PEAK1: variants seen among roughly 807,000 people sequenced by gnomAD.
PEAK1 encodes the protein pseudopodium enriched atypical kinase 1.
In PEAK1, 54 loss-of-function variants were observed where a neutral mutation model predicts 124.7. That is an observed-to-expected ratio of 0.43 (90% CI 0.35 to 0.54). PEAK1 has a LOEUF of 0.54. Among genes scored for constraint, PEAK1 ranks in the 20% least tolerant of loss-of-function variants. The probability of loss-of-function intolerance (pLI) is 0.01; values close to 1 mark genes in which losing one functional copy is unlikely to be tolerated. For missense variants in PEAK1, 2,046 were observed against 2,134.5 expected, an observed-to-expected ratio of 0.96 and a Z score of 0.82; for synonymous variants, 719 against 760.0, an observed-to-expected ratio of 0.95 and a Z score of 0.89.
chr15:77,311,212 T>G (rs565582006), intron 2 of PEAK1, among the ~76,000 whole-genome samples: 69 of 152,032 alleles, frequency 4.5e-4, no homozygotes, highest in African/African-American at 1.5e-3. Context: ...ACTGCCAGAG[T>G]TATTATGCAA....
intron 2 of PEAK1, among the ~76,000 whole-genome samples, chr15:77,343,040 G>C (rs2141351767): frequency 6.6e-6 from 1 of 152,310 alleles, no homozygotes; most frequent in East Asian, 1.9e-4. Flanking sequence ...ATGCCATACT[G>C]TTTTCCATAG....
intron 8 of PEAK1, among the ~76,000 whole-genome samples, chr15:77,151,623 C>G (rs990032578): frequency 2.0e-5 from 3 of 152,090 alleles, no homozygotes; most frequent in Non-Finnish European, 4.4e-5. Context: ...AGGTTTTCTT[C>G]TAGGGTTTTT....
In PEAK1 at chr15:77,371,170, TA is replaced by T. The variant is rs924921607; in HGVS notation, c.-665-5946del. 7.2e-6 allele frequency: 7 copies of T among 977,154 alleles called. No homozygotes were observed. In the African/African-American group the frequency reaches 1.0e-4, roughly 15 times the overall value. The allele number at this position is 977,154 out of a possible 1,614,324, so 60.5% of individuals were successfully genotyped here. On this transcript the variant is annotated intron_variant, in intron 1 of 9. Coordinates refer to ENST00000682557, the MANE Select transcript of PEAK1 (RefSeq NM_001385026.1). ...AAAGGGCTGAAAGTAAAAACTTCAT[TA>T]TTTTGGTTACCTTTTTACTAAGTAA...
chr15:77,149,215 T>G (rs2054394796), intron 8 of PEAK1, among the ~76,000 whole-genome samples: 1 of 152,230 alleles, frequency 6.6e-6, no homozygotes. Flanking sequence ...AGTACACTGC[T>G]TCCTAAACCT....
At chr15:77,258,361 G>A (rs372490591) in intron 5 of PEAK1, among the ~76,000 whole-genome samples, 7 of 152,122 alleles carry the variant, frequency 4.6e-5, no homozygotes, top group Admixed American at 1.3e-4. Context: ...ACCCATGAGC[G>A]TGGAATGTTC....
rs1231289135 is a variant in PEAK1 at position 77,336,351 on chromosome 15, A to T, written c.-603+28812T>A. On this transcript the variant is annotated intron_variant, in intron 2 of 9. Coordinates refer to ENST00000682557, the MANE Select transcript of PEAK1 (RefSeq NM_001385026.1). ...TCACCCTCATATTCTCTCACCAAAA[A>T]GCTCTCATTATAGAGACGTTTACTA... 3 of 985,266 alleles carry T rather than the reference A, an allele frequency of 3.0e-6. No homozygotes were observed. The East Asian group carries it at 3.4e-4, about 112-fold the overall frequency. The allele number at this position is 985,266 out of a possible 1,614,324, so 61.0% of individuals were successfully genotyped here. A position where few individuals can be genotyped will look rare whatever the true frequency, so the allele number is the denominator to read the frequency against.
In PEAK1 at chr15:77,370,706, A is replaced by T; in HGVS notation, c.-665-5481T>A. The T allele has an allele frequency of 3.0e-6, 3 of 985,200 alleles. No individual in the cohort carries two copies. The South Asian group carries it at 1.4e-4, about 46-fold the overall frequency. 61.0% of individuals were successfully genotyped at this position (985,200 alleles called of 1,614,324 possible). A position where few individuals can be genotyped will look rare whatever the true frequency, so the allele number is the denominator to read the frequency against. On this transcript the variant is annotated intron_variant, in intron 1 of 9. Coordinates refer to ENST00000682557, the MANE Select transcript of PEAK1 (RefSeq NM_001385026.1). ...CAATGGAGACAGTCTATTTCTGCATATGTCTTCAGATAACTTTTGTGAACA... is the reference window on the plus strand; with the variant it reads ...CAATGGAGACAGTCTATTTCTGCATTTGTCTTCAGATAACTTTTGTGAACA...
chr15:77,162,252 G>C (rs2152793298), intron 7 of PEAK1, among the ~76,000 whole-genome samples: 1 of 152,100 alleles, frequency 6.6e-6, no homozygotes. Context: ...CCAGCACTTT[G>C]GGAGGCCGAT....
chr15:77,135,591 C>A (rs551693863), intron 8 of PEAK1, among the ~76,000 whole-genome samples: 1 of 152,310 alleles, frequency 6.6e-6, no homozygotes, highest in South Asian at 2.1e-4. Context: ...TGTGTCCCCA[C>A]CCAAATCTCA....
chr15:77,403,629 T>A (rs1362224842), intron 1 of PEAK1: 1 of 901,974 alleles, frequency 1.1e-6, no homozygotes. Flanking sequence ...TACTAAGTTC[T>A]GGGGACATGA....
At chr15:77,176,247 T>A in intron 7 of PEAK1, among the ~76,000 whole-genome samples, 1 of 61,258 alleles carries the variant, frequency 1.6e-5, no homozygotes, top group South Asian at 4.0e-4. Flanking sequence ...AAACTTAAAG[T>A]ATAATAATAA....
At chr15:77,273,444 A>G (rs1156272965) in intron 5 of PEAK1, among the ~76,000 whole-genome samples, 1 of 152,230 alleles carries the variant, frequency 6.6e-6, no homozygotes, top group Non-Finnish European at 1.5e-5. Flanking sequence ...AATGTATACA[A>G]ATCAGTAGCC....
chr15:77,218,846 A>T (rs963873487), intron 6 of PEAK1, among the ~76,000 whole-genome samples: 3 of 152,090 alleles, frequency 2.0e-5, no homozygotes, highest in African/African-American at 7.2e-5. Context: ...TACCCATTTC[A>T]CACTGCACAG....
chr15:77,150,882 T>C (rs1378118506), intron 8 of PEAK1, among the ~76,000 whole-genome samples: 2 of 152,200 alleles, frequency 1.3e-5, no homozygotes, highest in Non-Finnish European at 2.9e-5. Context: ...ATGGTGTATA[T>C]GTGCCACATT....
At chr15:77,247,831 T>C (rs1197984406) in intron 6 of PEAK1, among the ~76,000 whole-genome samples, 1 of 152,148 alleles carries the variant, frequency 6.6e-6, no homozygotes, top group Non-Finnish European at 1.5e-5. Context: ...AAAACCTACT[T>C]TCATAATGCA....
chr15:77,164,090 T>C (rs2055894078), intron 7 of PEAK1, among the ~76,000 whole-genome samples: 1 of 152,176 alleles, frequency 6.6e-6, no homozygotes, highest in East Asian at 1.9e-4. Context: ...ACACTCCCAT[T>C]TCTTTTTGTC....
At chr15:77,419,474 G>A (rs2073181191) in intron 1 of PEAK1, 1 of 985,132 alleles carries the variant, frequency 1.0e-6, no homozygotes, top group Non-Finnish European at 1.2e-6. Context: ...CCCAGCCGCG[G>A]CGCGAAGGGA....
intron 2 of PEAK1, among the ~76,000 whole-genome samples, chr15:77,319,924 C>T (rs1280736531): frequency 6.6e-6 from 1 of 152,120 alleles, no homozygotes; most frequent in African/African-American, 2.4e-5. Flanking sequence ...TGAAAAATAT[C>T]GTTAAAAGGT....
intron 6 of PEAK1, among the ~76,000 whole-genome samples, chr15:77,190,273 TGAA>T (rs2057768758): frequency 6.6e-6 from 1 of 152,232 alleles, no homozygotes; most frequent in African/African-American, 2.4e-5. Flanking sequence ...CACAATACTT[TGAA>T]GAAGTATAGA....
Sources: allele counts gnomAD v4.1 joint callset (sites outside exome capture counted in the v4.1 genomes callset), GRCh38; gene constraint gnomAD v4.1.1; transcripts MANE v1.5; gene names NCBI Gene and HGNC (gene_info 2026-07-23, HGNC 2026-07-21).